The following SELP variants were observed in gnomAD, a reference collection of about 807,000 sequenced individuals.
The protein encoded by SELP is P-selectin.
In SELP, 92 loss-of-function variants were observed where a neutral mutation model predicts 104.1. The observed-to-expected ratio is 0.88, with a 90% CI of 0.75 to 1.05. The LOEUF (loss-of-function observed/expected upper bound fraction) is 1.05. Ranked by LOEUF, SELP falls within the 50% of genes least tolerant of loss-of-function variation. The probability of loss-of-function intolerance (pLI) is 0.00; values close to 1 mark genes in which losing one functional copy is unlikely to be tolerated. For missense variants in SELP, 1,022 were observed against 1,017.3 expected (o/e 1.00, Z -0.06); for synonymous variants, 397 against 364.5 (o/e 1.09, Z -1.01).
intron 1 of SELP, among the ~76,000 whole-genome samples, chr1:169,622,071 C>T (rs1230320334): frequency 6.6e-6 from 1 of 152,234 alleles, no homozygotes; most frequent in Non-Finnish European, 1.5e-5. Context: ...ATACACCTTT[C>T]TCCCACTTTA....
At chr1:169,624,646 G>T (rs1663288627) in intron 1 of SELP, among the ~76,000 whole-genome samples, 1 of 152,184 alleles carries the variant, frequency 6.6e-6, no homozygotes, top group Non-Finnish European at 1.5e-5. Context: ...CTACTTGGGA[G>T]GCTGAGGCAG....
chr1:169,593,377 C>G (rs1661436584), intron 14 of SELP, among the ~76,000 whole-genome samples: 1 of 152,134 alleles, frequency 6.6e-6, no homozygotes, highest in Non-Finnish European at 1.5e-5. Flanking sequence ...CACCCACTAC[C>G]AAGTCTCCCC....
At chr1:169,628,526 G>C (rs1663486251) in intron 1 of SELP, among the ~76,000 whole-genome samples, 1 of 152,202 alleles carries the variant, frequency 6.6e-6, no homozygotes, top group Admixed American at 6.5e-5. Context: ...CAAGAGAGGG[G>C]CTTCTGAACA....
intron 10 of SELP, among the ~76,000 whole-genome samples, chr1:169,602,401 T>A (rs1347378347): frequency 1.3e-5 from 2 of 152,178 alleles, no homozygotes; most frequent in Non-Finnish European, 2.9e-5. Flanking sequence ...ATGAAGAATG[T>A]AGCTGAAGAA....
intron 3 of SELP, among the ~76,000 whole-genome samples, chr1:169,615,660 A>G (rs867785929): frequency 1.3e-5 from 2 of 152,174 alleles, no homozygotes; most frequent in African/African-American, 2.4e-5. Flanking sequence ...TATCCTGGTA[A>G]TGTCCATCCT....
chr1:169,600,715 AG>A (rs1225532893), intron 10 of SELP, among the ~76,000 whole-genome samples: 3 of 152,204 alleles, frequency 2.0e-5, no homozygotes, highest in Non-Finnish European at 4.4e-5. Flanking sequence ...TTGGGGTTCT[AG>A]GGGGCAGTGC....
chr1:169,610,609 C>T (rs1324305081), intron 7 of SELP, among the ~76,000 whole-genome samples: 1 of 152,018 alleles, frequency 6.6e-6, no homozygotes, highest in African/African-American at 2.4e-5. Context: ...CCAGCCTGGC[C>T]AAAGTGGTGA....
chr1:169,616,474 G>C (rs1662816765), intron 3 of SELP, among the ~76,000 whole-genome samples: 1 of 152,174 alleles, frequency 6.6e-6, no homozygotes, highest in Non-Finnish European at 1.5e-5. Flanking sequence ...AGAAAAACCT[G>C]ACTGATGGAG....
At chr1:169,616,360 A>G (rs911762424) in intron 3 of SELP, among the ~76,000 whole-genome samples, 9 of 152,224 alleles carry the variant, frequency 5.9e-5, no homozygotes, top group Admixed American at 2.6e-4. Context: ...CAACTTTGGA[A>G]TCAACATGAG....
At chr1:169,601,512 T>C (rs566873123) in intron 10 of SELP, among the ~76,000 whole-genome samples, 2 of 152,372 alleles carry the variant, frequency 1.3e-5, no homozygotes, top group Non-Finnish European at 2.9e-5. Context: ...GTAACACGAA[T>C]AGATTTCTAC....
intron 3 of SELP, among the ~76,000 whole-genome samples, 157 bp from the exon 4 acceptor site, chr1:169,613,850 T>C (rs1426210713): frequency 1.3e-5 from 2 of 152,198 alleles, no homozygotes; most frequent in Non-Finnish European, 2.9e-5. Context: ...ACCTGTCCCT[T>C]GTGAAAAGCA....
chr1:169,608,270 A>G (rs199653418), intron 8 of SELP, among the ~76,000 whole-genome samples: 4 of 151,794 alleles, frequency 2.6e-5, no homozygotes, highest in South Asian at 4.2e-4. Flanking sequence ...AAGCACATTC[A>G]TATTATTGTG....
chr1:169,605,986 A>T (rs1662173424), intron 9 of SELP, among the ~76,000 whole-genome samples: 1 of 152,194 alleles, frequency 6.6e-6, no homozygotes, highest in Admixed American at 6.5e-5. Flanking sequence ...TTCATACAAG[A>T]TGTTGCAATA....
chr1:169,626,297 G>A (rs978340883), intron 1 of SELP, among the ~76,000 whole-genome samples: 12 of 152,148 alleles, frequency 7.9e-5, no homozygotes, highest in African/African-American at 1.4e-4. Flanking sequence ...ATAAGCCAAC[G>A]GAAGCTGGGC....
At chr1:169,607,605 T>C (rs1662266816) in intron 8 of SELP, among the ~76,000 whole-genome samples, 1 of 152,168 alleles carries the variant, frequency 6.6e-6, no homozygotes, top group South Asian at 2.1e-4. Context: ...ATGTATGATG[T>C]TAAATAAAAA....
chr1:169,605,929 C>T (rs1023553708), intron 9 of SELP, among the ~76,000 whole-genome samples: 2 of 152,116 alleles, frequency 1.3e-5, no homozygotes, highest in Non-Finnish European at 2.9e-5. Context: ...AAAAAATATA[C>T]GTCTATCCTT....
At chr1:169,606,419 T>C (rs562542500) in intron 9 of SELP, among the ~76,000 whole-genome samples, 58 of 152,190 alleles carry the variant, frequency 3.8e-4, no homozygotes, top group Non-Finnish European at 7.3e-4. Flanking sequence ...TACAGATTAG[T>C]TTTTCTCTTT....
chr1:169,613,214 T>A, intron 4 of SELP, 100 bp from the exon 5 acceptor site: 2 of 1,150,588 alleles, frequency 1.7e-6, no homozygotes, highest in Non-Finnish European at 2.4e-6. Context: ...CTCTTAACTC[T>A]AATTTTCTAA....
At chr1:169,592,996 G>T (rs1271152467) in intron 14 of SELP, among the ~76,000 whole-genome samples, 2 of 152,030 alleles carry the variant, frequency 1.3e-5, no homozygotes, top group Admixed American at 6.6e-5. Flanking sequence ...TCAAAGCTAA[G>T]CTTGAAAAAG....
Sources: allele counts gnomAD v4.1 joint callset (sites outside exome capture counted in the v4.1 genomes callset), GRCh38; gene constraint gnomAD v4.1.1; transcripts MANE v1.5; gene names NCBI Gene and HGNC (gene_info 2026-07-23, HGNC 2026-07-21).